EZH2: variants seen among roughly 807,000 people sequenced by gnomAD.
EZH2 encodes the protein enhancer of zeste 2 polycomb repressive complex 2 subunit, also known as histone-lysine N-methyltransferase EZH2.
EZH2 carries 18 observed loss-of-function variants against 98.4 expected under a neutral mutation model. The observed-to-expected ratio is 0.18, with a 90% CI of 0.13 to 0.27. The LOEUF (loss-of-function observed/expected upper bound fraction) is 0.27, where lower values mean the gene tolerates loss of function less well. Ranked by LOEUF, EZH2 falls within the 10% of genes least tolerant of loss-of-function variation. The probability of loss-of-function intolerance (pLI) is 1.00; values close to 1 mark genes in which losing one functional copy is unlikely to be tolerated. For missense variants in EZH2, 470 were observed against 935.1 expected, an observed-to-expected ratio of 0.50 and a Z score of 6.49; for synonymous variants, 338 against 312.3, an observed-to-expected ratio of 1.08 and a Z score of -0.87.
chr7:148,833,253 T>TC (rs1563256556), intron 3 of EZH2, among the ~76,000 whole-genome samples: 1 of 151,756 alleles, frequency 6.6e-6, no homozygotes, highest in Non-Finnish European at 1.5e-5. Flanking sequence ...GGTCAGGAGA[T>TC]CGAGACCATC....
In EZH2 at chr7:148,814,147, G is replaced by C; in HGVS notation, c.1673-10C>G. ...GGAAAGCGGTTTTGACCTTCAGAGA[G>C]AGGTTTGGAGGTTCTTCACTCATCA... On this transcript the variant is annotated splice_polypyrimidine_tract_variant and intron_variant, in intron 14 of 19. Transcript: ENST00000320356. The C allele has an allele frequency of 6.2e-7, 1 of 1,611,716 alleles. No homozygotes were observed. Among genetic ancestry groups the C allele is most frequent in the Non-Finnish European group, 8.5e-7 (1 of 1,178,848 alleles).
intron 15 of EZH2, among the ~76,000 whole-genome samples, 155 bp downstream of exon 15, chr7:148,813,804 T>C (rs1803832361): frequency 6.6e-6 from 1 of 152,162 alleles, no homozygotes; most frequent in Non-Finnish European, 1.5e-5. Flanking sequence ...AAGGGTGCAT[T>C]ACCCAGAGAA....
At chr7:148,832,922 T>C (rs929322450) in intron 3 of EZH2, among the ~76,000 whole-genome samples, 172 bp from the exon 4 acceptor site, 1 of 152,336 alleles carries the variant, frequency 6.6e-6, no homozygotes, top group Admixed American at 6.5e-5. Context: ...TCTTTTCTTT[T>C]ACTTAGGGTG....
intron 3 of EZH2, 56 bp from the exon 4 acceptor site, chr7:148,832,806 T>C (rs990581363): frequency 6.3e-6 from 7 of 1,113,860 alleles, no homozygotes; most frequent in East Asian, 2.4e-5. Flanking sequence ...CCTTAAGCTG[T>C]AGCCATCATA....
chr7:148,844,972 T>G (rs908898027), intron 3 of EZH2, among the ~76,000 whole-genome samples: 2 of 151,182 alleles, frequency 1.3e-5, no homozygotes, highest in African/African-American at 4.9e-5. Flanking sequence ...AAAAAAAAAG[T>G]GTAATACTCC....
In EZH2 at chr7:148,838,227, T is replaced by C. The variant is rs544742511; in HGVS notation, c.247-5477A>G. On this transcript the variant is annotated intron_variant, in intron 3 of 19. Coordinates refer to ENST00000320356, the MANE Select transcript of EZH2 (RefSeq NM_004456.5). ...GGGACTACAAGTACGTGTCACCACA[T>C]CTGGCTAATTTTTTTATTTTTTATT... Among the ~76,000 whole-genome samples, 290 of 152,094 alleles carry C rather than the reference T, an allele frequency of 1.9e-3. 2 individuals are homozygous for C. The highest frequency in any genetic ancestry group is 2.9e-3 in the Non-Finnish European group (198 of 67,980).
At chr7:148,851,260 A>C (rs889970113) in intron 1 of EZH2, among the ~76,000 whole-genome samples, 1 of 152,106 alleles carries the variant, frequency 6.6e-6, no homozygotes, top group Non-Finnish European at 1.5e-5. Flanking sequence ...GTCAGTTAGG[A>C]CCCTGTGGTT....
chr7:148,850,453 C>T (rs1815424722), intron 1 of EZH2: 1 of 967,932 alleles, frequency 1.0e-6, no homozygotes, highest in Non-Finnish European at 1.2e-6. Flanking sequence ...TAATAACATA[C>T]CTAATAAAGT....
At chr7:148,866,360 C>A (rs1715509119) in intron 1 of EZH2, among the ~76,000 whole-genome samples, 2 of 151,656 alleles carry the variant, frequency 1.3e-5, no homozygotes, top group Non-Finnish European at 2.9e-5. Context: ...TGCCCTTATA[C>A]AAGAGTCTGA....
chr7:148,816,420 T>C (rs944759741), intron 12 of EZH2, among the ~76,000 whole-genome samples: 2 of 152,214 alleles, frequency 1.3e-5, no homozygotes, highest in African/African-American at 4.8e-5. Flanking sequence ...AGCTACTAAA[T>C]ATGTTTTTCT....
chr7:148,856,528 C>T (rs909998861), intron 1 of EZH2, among the ~76,000 whole-genome samples: 1 of 152,172 alleles, frequency 6.6e-6, no homozygotes, highest in Non-Finnish European at 1.5e-5. Flanking sequence ...AATAAGCATA[C>T]CCTGCACCCA....
intron 1 of EZH2, among the ~76,000 whole-genome samples, chr7:148,862,870 A>G (rs1040627287): frequency 1.3e-5 from 2 of 152,104 alleles, no homozygotes; most frequent in African/African-American, 4.8e-5. Context: ...TTGCTTTTGC[A>G]CCGTGGGTAC....
chr7:148,816,418 AAT>A (rs1175724582), intron 12 of EZH2, among the ~76,000 whole-genome samples: 1 of 152,210 alleles, frequency 6.6e-6, no homozygotes, highest in Non-Finnish European at 1.5e-5. Flanking sequence ...AAAGCTACTA[AAT>A]ATGTTTTTCT....
intron 3 of EZH2, among the ~76,000 whole-genome samples, chr7:148,841,407 T>C (rs1301557397): frequency 2.6e-5 from 4 of 152,098 alleles, no homozygotes; most frequent in Non-Finnish European, 5.9e-5. Flanking sequence ...ATACCAATAA[T>C]AGTTAAAAGA....
chr7:148,856,634 G>A (rs185650403), intron 1 of EZH2, among the ~76,000 whole-genome samples: 1 of 152,294 alleles, frequency 6.6e-6, no homozygotes, highest in East Asian at 1.9e-4. Context: ...AAACTACAAG[G>A]CAAGCCAGTA....
chr7:148,828,212 T>G (rs936689659), intron 6 of EZH2, among the ~76,000 whole-genome samples: 1 of 152,214 alleles, frequency 6.6e-6, no homozygotes, highest in Non-Finnish European at 1.5e-5. Context: ...GTACACAACT[T>G]GTACACGGTG....
At chr7:148,852,655 A>C (rs1398812488) in intron 1 of EZH2, among the ~76,000 whole-genome samples, 1 of 152,206 alleles carries the variant, frequency 6.6e-6, no homozygotes, top group African/African-American at 2.4e-5. Flanking sequence ...CATCTTGGAG[A>C]AGAGCCTCAA....
intron 1 of EZH2, among the ~76,000 whole-genome samples, chr7:148,866,556 A>ATATACATATATACACG (rs1476038310): frequency 8.0e-6 from 1 of 125,648 alleles, no homozygotes; most frequent in Non-Finnish European, 1.7e-5. Context: ...ATATATATAC[A>ATATACATATATACACG]TATATACATA....
intron 1 of EZH2, among the ~76,000 whole-genome samples, chr7:148,879,447 T>C (rs964811655): frequency 3.3e-5 from 5 of 151,804 alleles, no homozygotes; most frequent in African/African-American, 9.7e-5. Flanking sequence ...TCCTAGTACT[T>C]TGGGAGGCCA....
Sources: gnomAD v4.1 joint callset for allele counts (sites outside exome capture counted in the v4.1 genomes callset) on GRCh38, gnomAD v4.1.1 for gene constraint, MANE v1.5 for transcripts, NCBI Gene and HGNC (gene_info 2026-07-23, HGNC 2026-07-21) for gene names.